Variants in ZNF487 observed in about 807,000 individuals in gnomAD.
ZNF487 encodes the protein KRAB domain only 1.
A neutral mutation model predicts 3.0 loss-of-function variants in ZNF487; 4 were observed. The ratio of observed to expected loss-of-function variants is 1.35; its 90% CI spans 0.66 to 3.08. The LOEUF is 3.08. Among genes scored for constraint, ZNF487 ranks in the 30% most tolerant of loss-of-function variants. The pLI is 0.01. For missense variants in ZNF487, 146 were observed against 98.7 expected, an observed-to-expected ratio of 1.48 and a Z score of -2.03; for synonymous variants, 55 against 34.6, an observed-to-expected ratio of 1.59 and a Z score of -2.06.
chr10:43,447,985 A>ATTT (rs71016768), intron 1 of ZNF487, among the ~76,000 whole-genome samples: 2,017 of 99,978 alleles, frequency 0.02, 21 homozygotes, highest in Non-Finnish European at 0.026. Flanking sequence ...CTTGGAAACC[A>ATTT]TTTTTTTTTT....
intron 1 of ZNF487, chr10:43,452,518 A>T (rs1013833376): frequency 1.2e-5 from 1 of 82,532 alleles, no homozygotes; most frequent in African/African-American, 3.0e-5. Flanking sequence ...CGCCTGGCTA[A>T]TTTTTTAATT....
chr10:43,512,799 G>A, the ZNF487 span, among the ~76,000 whole-genome samples: 11 of 152,186 alleles, frequency 7.2e-5, no homozygotes, highest in Non-Finnish European at 1.6e-4. Flanking sequence ...TTGATAAATG[G>A]GCTGGAGTAA....
the ZNF487 span, among the ~76,000 whole-genome samples, chr10:43,515,882 C>T: frequency 6.6e-6 from 1 of 152,120 alleles, no homozygotes; most frequent in African/African-American, 2.4e-5. Flanking sequence ...TCAAGTGATT[C>T]CCCTGCCTCA....
chr10:43,474,583 AT>A (rs1243756423), intron 1 of ZNF487, among the ~76,000 whole-genome samples: 15 of 151,632 alleles, frequency 9.9e-5, no homozygotes, highest in African/African-American at 3.1e-4. Flanking sequence ...AGGAAAAATG[AT>A]TTATTATTTA....
chr10:43,457,287 G>T (rs977355001), intron 1 of ZNF487, among the ~76,000 whole-genome samples: 1 of 151,764 alleles, frequency 6.6e-6, no homozygotes, highest in Non-Finnish European at 1.5e-5. Context: ...CCCTAGCGCG[G>T]TGGCTAACGC....
chr10:43,452,826 C>T (rs532548226), intron 1 of ZNF487: 2 of 152,086 alleles, frequency 1.3e-5, no homozygotes, highest in Non-Finnish European at 2.9e-5. Context: ...GGTAATATCA[C>T]AGATAAATAC....
At chr10:43,443,378 GTTTT>G (rs35842181) in intron 1 of ZNF487, among the ~76,000 whole-genome samples, 1 of 116,316 alleles carries the variant, frequency 8.6e-6, no homozygotes, top group Non-Finnish European at 1.8e-5. Context: ...TTTTGTTTTT[GTTTT>G]TTTTTTTTTG....
At chr10:43,517,921 G>A in the ZNF487 span, among the ~76,000 whole-genome samples, 6 of 152,150 alleles carry the variant, frequency 3.9e-5, no homozygotes, top group East Asian at 3.8e-4. Context: ...GCTGGAGCTC[G>A]GTGGAATGTT....
chr10:43,468,316 C>G (rs564748647), intron 1 of ZNF487, among the ~76,000 whole-genome samples: 1 of 152,168 alleles, frequency 6.6e-6, no homozygotes, highest in Non-Finnish European at 1.5e-5. Flanking sequence ...AGGATTGAAT[C>G]CAATTTTGAA....
chr10:43,465,685 A>ACGTCT (rs1307436650), intron 1 of ZNF487, among the ~76,000 whole-genome samples: 5 of 142,408 alleles, frequency 3.5e-5, no homozygotes, highest in Admixed American at 7.0e-5. Flanking sequence ...GCGGGCAGAG[A>ACGTCT]CGCTCCTCAC....
At chr10:43,508,549 C>T in the ZNF487 span, among the ~76,000 whole-genome samples, 1 of 152,066 alleles carries the variant, frequency 6.6e-6, no homozygotes. Context: ...TGGCTCATGC[C>T]TGTAATCCCA....
At chr10:43,485,333 T>C (rs1226062280), downstream of ZNF487, among the ~76,000 whole-genome samples, 1 of 152,252 alleles carries the variant, frequency 6.6e-6, no homozygotes, top group Non-Finnish European at 1.5e-5. Context: ...TGGTCTTTCA[T>C]AGTTATCAAA....
chr10:43,465,262 G>A (rs866672246), intron 1 of ZNF487, among the ~76,000 whole-genome samples: 1 of 150,900 alleles, frequency 6.6e-6, no homozygotes, highest in African/African-American at 2.4e-5. Context: ...CCTCCCTCCC[G>A]GACGGGGCGG....
chr10:43,514,243 C>A, the ZNF487 span, among the ~76,000 whole-genome samples: 1 of 152,118 alleles, frequency 6.6e-6, no homozygotes. Context: ...TGGGTTCAAG[C>A]AATTCTCCAG....
At chr10:43,447,442 A>G (rs1404406252) in intron 1 of ZNF487, among the ~76,000 whole-genome samples, 3 of 152,028 alleles carry the variant, frequency 2.0e-5, no homozygotes, top group African/African-American at 4.8e-5. Flanking sequence ...GGGTTTCACT[A>G]TGTTGGCCAG....
the ZNF487 span, among the ~76,000 whole-genome samples, chr10:43,512,089 C>T: frequency 6.6e-6 from 1 of 152,236 alleles, no homozygotes; most frequent in Non-Finnish European, 1.5e-5. Flanking sequence ...TTTCCCTTCA[C>T]CGCTGTCCTT....
chr10:43,499,048 A>C, the ZNF487 span, among the ~76,000 whole-genome samples: 19,224 of 152,244 alleles, frequency 0.13, 2,624 homozygotes, highest in African/African-American at 0.34. Context: ...AAAATAGCAC[A>C]TAGGTCAGTT....
At chr10:43,461,351 C>G (rs1367870603) in intron 1 of ZNF487, among the ~76,000 whole-genome samples, 2 of 151,140 alleles carry the variant, frequency 1.3e-5, no homozygotes, top group Non-Finnish European at 2.9e-5. Context: ...AGGTCTTGCT[C>G]TGTCACCCAG....
At chr10:43,479,096 T>C (rs546642570) in intron 3 of ZNF487, among the ~76,000 whole-genome samples, 11 of 120,564 alleles carry the variant, frequency 9.1e-5, no homozygotes, top group South Asian at 8.5e-4. Context: ...TATATATATA[T>C]ACACACATAT....
Sources: gnomAD v4.1 joint callset for allele counts (sites outside exome capture counted in the v4.1 genomes callset) on GRCh38, gnomAD v4.1.1 for gene constraint, MANE v1.5 for transcripts, NCBI Gene and HGNC (gene_info 2026-07-23, HGNC 2026-07-21) for gene names.